Variants in COL14A1 observed in about 807,000 individuals in gnomAD.
The protein encoded by COL14A1 is collagen type XIV alpha 1 chain.
A neutral mutation model predicts 230.3 loss-of-function variants in COL14A1; 136 were observed. The observed-to-expected ratio is 0.59, with a 90% CI of 0.51 to 0.68. The LOEUF is 0.68. Among genes scored for constraint, COL14A1 ranks in the 30% least tolerant of loss-of-function variants. COL14A1 has a pLI of 0.00. For synonymous variants in COL14A1, 792 were observed against 784.1 expected (o/e 1.01, Z -0.17); for missense variants, 1,976 against 2,215.8 (o/e 0.89, Z 2.17).
chr8:120,162,765 C>T (rs536483790), intron 4 of COL14A1, among the ~76,000 whole-genome samples, 196 bp downstream of exon 4: 1 of 152,208 alleles, frequency 6.6e-6, no homozygotes, highest in Non-Finnish European at 1.5e-5. Context: ...CCCCATTTTG[C>T]TATATTCTTA....
intron 34 of COL14A1, among the ~76,000 whole-genome samples, chr8:120,296,051 T>A (rs974430840): frequency 2.0e-5 from 3 of 152,080 alleles, no homozygotes; most frequent in Non-Finnish European, 2.9e-5. Context: ...AGTTTTGACA[T>A]TACTTTTGCA....
At chr8:120,325,164 G>A (rs779250861) in intron 40 of COL14A1, among the ~76,000 whole-genome samples, 24 of 152,214 alleles carry the variant, frequency 1.6e-4, no homozygotes, top group South Asian at 6.2e-4. Flanking sequence ...ATAAATCATA[G>A]CCAACCATAA....
chr8:120,243,851 G>T (rs376711032), intron 19 of COL14A1, 28 bp from the exon 20 acceptor site: 5 of 1,609,568 alleles, frequency 3.1e-6, no homozygotes, highest in South Asian at 1.1e-5. Context: ...GTCTCACTAA[G>T]ACTGCAGTCC....
chr8:120,225,987 T>G (rs1818082383), intron 15 of COL14A1, among the ~76,000 whole-genome samples: 1 of 151,108 alleles, frequency 6.6e-6, no homozygotes, highest in African/African-American at 2.5e-5. Flanking sequence ...AAAGTTGGGT[T>G]TTTATGTTTT....
intron 45 of COL14A1, among the ~76,000 whole-genome samples, chr8:120,360,881 G>A (rs1372298518): frequency 1.3e-5 from 2 of 152,066 alleles, no homozygotes; most frequent in African/African-American, 4.8e-5. Flanking sequence ...CTTTGGCAAG[G>A]TCAGCCCAAT....
At position 120,246,122 on chromosome 8, in the gene COL14A1, C is replaced by T. The variant is rs146165491; in HGVS notation, c.2480-1491C>T. On this transcript the variant is annotated intron_variant, in intron 20 of 47. Transcript: ENST00000297848. ...AGTGTGGAGTTTTCAACTAAGTTTG[C>T]GAAAATCATTAAAATTCTGAAGCCC... Among the ~76,000 whole-genome samples the T allele has an allele frequency of 1.4e-3, 218 of 152,194 alleles. 1 individual carries two copies. Among genetic ancestry groups the T allele is most frequent in the African/African-American group, 5.0e-3 (206 of 41,522 alleles).
chr8:120,134,888 T>C (rs1454376065), intron 1 of COL14A1, among the ~76,000 whole-genome samples: 1 of 152,114 alleles, frequency 6.6e-6, no homozygotes, highest in African/African-American at 2.4e-5. Context: ...GGCATGAGAA[T>C]TGCTTGAACC....
chr8:120,322,336 A>G (rs985436789), intron 40 of COL14A1, among the ~76,000 whole-genome samples: 7 of 152,180 alleles, frequency 4.6e-5, no homozygotes, highest in African/African-American at 1.4e-4. Context: ...ACATTTACCT[A>G]TGTAACAAAC....
At chr8:120,181,268 G>A (rs1207481260) in intron 5 of COL14A1, among the ~76,000 whole-genome samples, 2 of 152,124 alleles carry the variant, frequency 1.3e-5, no homozygotes, top group African/African-American at 2.4e-5. Flanking sequence ...TCCCAAATGT[G>A]CACTATTAAG....
At chr8:120,272,993 T>A (rs901796703) in intron 26 of COL14A1, among the ~76,000 whole-genome samples, 11 of 151,808 alleles carry the variant, frequency 7.2e-5, no homozygotes, top group African/African-American at 2.7e-4. Context: ...AGAATATACA[T>A]TCTTCACATC....
intron 4 of COL14A1, among the ~76,000 whole-genome samples, chr8:120,163,930 G>A (rs1815777103): frequency 6.6e-6 from 1 of 151,580 alleles, no homozygotes; most frequent in African/African-American, 2.4e-5. Context: ...ACAAATCCCT[G>A]CCCCTATGAA....
At chr8:120,170,890 A>G (rs1246435288) in intron 5 of COL14A1, among the ~76,000 whole-genome samples, 1 of 151,636 alleles carries the variant, frequency 6.6e-6, no homozygotes, top group Non-Finnish European at 1.5e-5. Flanking sequence ...TTTGTGTCTC[A>G]AGTTCAAGGT....
chr8:120,258,116 G>A (rs7814222), intron 23 of COL14A1, among the ~76,000 whole-genome samples: 101,909 of 152,048 alleles, frequency 0.67, 34,560 homozygotes, highest in Middle Eastern at 0.78. Context: ...AACTTAAGCC[G>A]AAGGGTCAAT....
chr8:120,214,747 A>T (rs1817698637), intron 13 of COL14A1, among the ~76,000 whole-genome samples: 1 of 148,440 alleles, frequency 6.7e-6, no homozygotes, highest in Non-Finnish European at 1.5e-5. Flanking sequence ...CCTGGGGGAG[A>T]GAGACAATAA....
intron 5 of COL14A1, among the ~76,000 whole-genome samples, chr8:120,182,160 CTCTG>C (rs1457044973): frequency 6.6e-6 from 1 of 152,206 alleles, no homozygotes; most frequent in Non-Finnish European, 1.5e-5. Context: ...GAAATCTTAA[CTCTG>C]TCTGAAATAA....
intron 37 of COL14A1, 113 bp from the exon 38 acceptor site, chr8:120,313,819 C>A: frequency 1.5e-6 from 1 of 655,898 alleles, no homozygotes; most frequent in Non-Finnish European, 2.6e-6. Context: ...TATTTCCTAT[C>A]TTAAGAAAAA....
Position 120,313,990 on chromosome 8 carries a change from C to A in COL14A1, c.4514C>A (p.Pro1505His). ...CCAGGACCTCAGGGTCCACCTGGAC[C>A]TCAAGGACCAAGTGGTCTGTCCATT... ...GLPGPQGPPG[P>H]QGPSGLSIQG... Residue 1505 changes from proline (P) to histidine (H), a missense_variant, in exon 38 of 48, where the codon CCT becomes CAT. By Grantham distance (77) the Pro-to-His change is moderately conservative. Coordinates refer to ENST00000297848, the MANE Select transcript of COL14A1 (RefSeq NM_021110.4). The A allele has an allele frequency of 6.2e-7, 1 of 1,612,932 alleles. No individual in the cohort carries two copies. The highest frequency in any genetic ancestry group is 1.3e-5 in the African/African-American group (1 of 74,942).
At chr8:120,150,072 A>T (rs1356692471) in intron 2 of COL14A1, among the ~76,000 whole-genome samples, 1 of 152,172 alleles carries the variant, frequency 6.6e-6, no homozygotes, top group African/African-American at 2.4e-5. Context: ...AATAAGACCT[A>T]TTTATTTATT....
rs1563645031 is a variant in COL14A1 at position 120,164,295 on chromosome 8, A to G, written c.349+1726A>G. ...CATCATTTCAAGTAGATTTTTTTCT[A>G]AATTTTAAACAATAGCTTTTAAAAT... On this transcript the variant is annotated intron_variant, in intron 4 of 47. Transcript: ENST00000297848. Among the ~76,000 whole-genome samples, 3 of 152,128 alleles carry G rather than the reference A, an allele frequency of 2.0e-5. No homozygotes were observed. In the South Asian group the frequency reaches 6.2e-4, roughly 31 times the overall value.
Sources: gnomAD v4.1 joint callset for allele counts (sites outside exome capture counted in the v4.1 genomes callset) on GRCh38, gnomAD v4.1.1 for gene constraint, MANE v1.5 for transcripts, NCBI Gene and HGNC (gene_info 2026-07-23, HGNC 2026-07-21) for gene names.